Variants in LTBP1 observed in about 807,000 individuals in gnomAD.
LTBP1 encodes the protein latent transforming growth factor beta binding protein 1, also known as latent-transforming growth factor beta-binding protein 1.
A neutral mutation model predicts 207.6 loss-of-function variants in LTBP1; 129 were observed. The observed-to-expected ratio is 0.62, with a 90% CI of 0.54 to 0.72. LTBP1 has a LOEUF of 0.72. LTBP1 is among the 30% of genes least tolerant of loss of function. The probability of loss-of-function intolerance (pLI) is 0.00; values close to 1 mark genes in which losing one functional copy is unlikely to be tolerated. For missense variants in LTBP1, 2,281 were observed against 2,217.2 expected, an observed-to-expected ratio of 1.03 and a Z score of -0.58; for synonymous variants, 963 against 833.7, an observed-to-expected ratio of 1.16 and a Z score of -2.67.
chr2:33,024,792 T>C (rs1181088966), intron 3 of LTBP1, among the ~76,000 whole-genome samples: 1 of 152,146 alleles, frequency 6.6e-6, no homozygotes, highest in Admixed American at 6.5e-5. Flanking sequence ...TTAGTTTTCT[T>C]TGGCTGTGTA....
intron 3 of LTBP1, among the ~76,000 whole-genome samples, chr2:33,037,744 G>A (rs560141695): frequency 1.6e-4 from 24 of 152,200 alleles, no homozygotes; most frequent in East Asian, 9.6e-4. Context: ...TTGAGAAAAG[G>A]CCTCACTCTG....
intron 4 of LTBP1, among the ~76,000 whole-genome samples, chr2:33,126,152 A>G (rs2081419744): frequency 6.6e-6 from 1 of 152,258 alleles, no homozygotes; most frequent in East Asian, 1.9e-4. Flanking sequence ...GAGTGATCCA[A>G]CAGAGACAGA....
chr2:33,293,339 A>G lies in LTBP1; in HGVS notation c.3235+57A>G, dbSNP rs972562918. On this transcript the variant is annotated intron_variant, in intron 20 of 33. Transcript: ENST00000404816. ...TTTAAACTTCATTTAAATATAGATT[A>G]GAGCAATTAGCCTTAGAAAAGGGAA... 13 of 1,522,652 alleles carry G rather than the reference A, an allele frequency of 8.5e-6. No individual in the cohort carries two copies. In the East Asian group the frequency reaches 3.0e-4, roughly 36 times the overall value. 94.3% of individuals were successfully genotyped at this position (1,522,652 alleles called of 1,614,324 possible).
chr2:32,952,313 C>T (rs1316418257), intron 2 of LTBP1, among the ~76,000 whole-genome samples: 2 of 152,222 alleles, frequency 1.3e-5, no homozygotes, highest in Admixed American at 6.5e-5. Context: ...TGGATATGTG[C>T]ACTCACCAAA....
chr2:33,065,922 A>G (rs1196041405), intron 3 of LTBP1, among the ~76,000 whole-genome samples: 1 of 152,124 alleles, frequency 6.6e-6, no homozygotes, highest in Non-Finnish European at 1.5e-5. Flanking sequence ...CGTTCTTTTT[A>G]TCGGTCTGAC....
chr2:33,135,080 C>T (rs996780066), intron 5 of LTBP1, 120 bp downstream of exon 5: 11 of 1,012,136 alleles, frequency 1.1e-5, no homozygotes, highest in East Asian at 8.1e-5. Context: ...TCTATGAGTA[C>T]GAGTATGTTT....
intron 25 of LTBP1, 84 bp from the exon 26 acceptor site, chr2:33,347,283 C>CT (rs1323174138): frequency 1.1e-5 from 17 of 1,521,666 alleles, no homozygotes; most frequent in Non-Finnish European, 1.5e-5. Flanking sequence ...CAGCAAGACA[C>CT]TATTAGCCCT....
In LTBP1 at chr2:32,947,046, C is replaced by T. The variant is rs1468621817; in HGVS notation, c.-279C>T. Reference sequence around the variant, plus strand: ...ACCCCCGGCCGGACGCGCGGACCCTCACCTTGCGCGGCCCGCTCCCCTCGC... The same window carrying T: ...ACCCCCGGCCGGACGCGCGGACCCTTACCTTGCGCGGCCCGCTCCCCTCGC... On this transcript the variant is annotated 5_prime_UTR_variant, in exon 1 of 34. Transcript: ENST00000404816. 3 of 270,572 alleles carry T rather than the reference C, an allele frequency of 1.1e-5. No homozygotes were observed. Among genetic ancestry groups the T allele is most frequent in the Non-Finnish European group, 2.1e-5 (3 of 144,846 alleles). 16.8% of individuals were successfully genotyped at this position (270,572 alleles called of 1,614,324 possible).
At chr2:33,284,757 G>C (rs2093630030) in intron 19 of LTBP1, among the ~76,000 whole-genome samples, 1 of 151,936 alleles carries the variant, frequency 6.6e-6, no homozygotes. Flanking sequence ...AGAGATCTTA[G>C]TTCCCTGAAT....
rs182472774 is a variant in LTBP1, at chr2:33,307,352, C to A, written c.3482-2082C>A. On this transcript the variant is annotated intron_variant, in intron 22 of 33. Coordinates refer to ENST00000404816, the MANE Select transcript of LTBP1 (RefSeq NM_206943.4). ...TGATTTTAGAAATATTTATAGAAAC[C>A]TTATTCACAATGGCCCAGATGGAAA... Among the ~76,000 whole-genome samples, 10 of 152,208 alleles carry A rather than the reference C, an allele frequency of 6.6e-5. No individual in the cohort carries two copies. In the East Asian group the frequency reaches 1.7e-3, roughly 26 times the overall value.
At chr2:33,210,730 C>G (rs1403758270) in intron 7 of LTBP1, among the ~76,000 whole-genome samples, 1 of 152,152 alleles carries the variant, frequency 6.6e-6, no homozygotes, top group Non-Finnish European at 1.5e-5. Context: ...CCTGCCTTCC[C>G]CTGTCTTTAC....
chr2:33,257,189 A>G (rs1357259922), intron 11 of LTBP1, 95 bp from the exon 12 acceptor site: 1 of 877,682 alleles, frequency 1.1e-6, no homozygotes. Flanking sequence ...TACATTAGTG[A>G]TGATTTATTA....
intron 20 of LTBP1, among the ~76,000 whole-genome samples, chr2:33,299,461 G>T (rs951618205): frequency 2.0e-5 from 3 of 152,034 alleles, no homozygotes; most frequent in Non-Finnish European, 4.4e-5. Context: ...TTTAGATTAG[G>T]GCTCCTTTCT....
rs192424898 is a variant in LTBP1, at chr2:33,204,207, A to G, written c.1702-13345A>G. ...TGTTTTTTTCCTTTCTCATCCTTCC[A>G]TTTTTTTTCCCTCTTCTGTCTCCTT... On this transcript the variant is annotated intron_variant, in intron 7 of 33. Coordinates refer to ENST00000404816, the MANE Select transcript of LTBP1 (RefSeq NM_206943.4). Among the ~76,000 whole-genome samples the G allele has an allele frequency of 9.4e-4, 142 of 151,788 alleles. 1 individual carries two copies. Among genetic ancestry groups the G allele is most frequent in the Admixed American group, 7.7e-3 (117 of 15,242 alleles).
At chr2:33,150,187 T>C (rs2083397272) in intron 5 of LTBP1, among the ~76,000 whole-genome samples, 1 of 152,172 alleles carries the variant, frequency 6.6e-6, no homozygotes, top group Non-Finnish European at 1.5e-5. Context: ...GCATATAAAG[T>C]CATATAGCAG....
chr2:32,996,152 G>A (rs527805997), intron 2 of LTBP1, among the ~76,000 whole-genome samples: 46 of 152,224 alleles, frequency 3.0e-4, no homozygotes, highest in African/African-American at 8.2e-4. Context: ...ACAAAATACC[G>A]TAAACTGGGT....
At chr2:33,204,405 A>G (rs1383383582) in intron 7 of LTBP1, among the ~76,000 whole-genome samples, 1 of 152,242 alleles carries the variant, frequency 6.6e-6, no homozygotes. Context: ...AGCCTTGAAG[A>G]ACATTCTAAA....
At chr2:33,091,337 A>T (rs1396874207) in intron 3 of LTBP1, among the ~76,000 whole-genome samples, 1 of 152,018 alleles carries the variant, frequency 6.6e-6, no homozygotes, top group East Asian at 1.9e-4. Context: ...TTAAGCATAG[A>T]TATTGTGTTA....
chr2:33,294,570 G>A (rs1266937045), intron 20 of LTBP1, among the ~76,000 whole-genome samples: 1 of 148,338 alleles, frequency 6.7e-6, no homozygotes, highest in Non-Finnish European at 1.5e-5. Context: ...GAATTATTGG[G>A]TAAAATTTTT....
Sources: gnomAD v4.1 joint callset for allele counts (sites outside exome capture counted in the v4.1 genomes callset) on GRCh38, gnomAD v4.1.1 for gene constraint, MANE v1.5 for transcripts, NCBI Gene and HGNC (gene_info 2026-07-23, HGNC 2026-07-21) for gene names.